DAGLA: variants seen among roughly 807,000 people sequenced by gnomAD.
DAGLA encodes the protein diacylglycerol lipase alpha, also known as diacylglycerol lipase-alpha.
In DAGLA, 22 loss-of-function variants were observed where a neutral mutation model predicts 102.6. The observed-to-expected ratio is 0.21, with a 90% CI of 0.15 to 0.31. The LOEUF is 0.31. Among genes scored for constraint, DAGLA ranks in the 10% least tolerant of loss-of-function variants. The pLI, the probability that DAGLA is intolerant of heterozygous loss-of-function variation, is 1.00. For synonymous variants in DAGLA, 578 were observed against 628.9 expected (o/e 0.92, Z 1.21); for missense variants, 927 against 1,446.6 (o/e 0.64, Z 5.83).
chr11:61,696,683 A>G (rs2065069236), intron 1 of DAGLA, among the ~76,000 whole-genome samples: 1 of 151,938 alleles, frequency 6.6e-6, no homozygotes, highest in Non-Finnish European at 1.5e-5. Context: ...AAAAGGGGAA[A>G]ACTGTAGTCC....
In DAGLA at chr11:61,744,206, G is replaced by A. The variant is rs1180334867; in HGVS notation, c.2846G>A (p.Gly949Asp). ...AGCCCCACCAGTGACTACGCTGAGG[G>A]CCCCAAGTCCCCCAGCCAGCAAGAG... ...PESPTSDYAE[G>D]PKSPSQQEIL... Residue 949 changes from glycine (G) to aspartate (D), a missense_variant, in exon 20 of 20, where the codon GGC (glycine) becomes GAC (aspartate). Transcript: ENST00000257215. 1 of 1,612,776 alleles carries A rather than the reference G, an allele frequency of 6.2e-7. No homozygotes were observed. Among genetic ancestry groups the A allele is most frequent in the African/African-American group, 1.3e-5 (1 of 74,876 alleles).
rs567818065 is a variant in DAGLA, at chr11:61,707,494, C to G, written c.-44-12618C>G. On this transcript the variant is annotated intron_variant, in intron 1 of 19. Coordinates refer to ENST00000257215, the MANE Select transcript of DAGLA (RefSeq NM_006133.3). ...CCCAGAGCCTCCTGGCCTATTCCCCCACAGGCTGGGAGAGAGGCAGATGGA... is the reference window on the plus strand; with the variant it reads ...CCCAGAGCCTCCTGGCCTATTCCCCGACAGGCTGGGAGAGAGGCAGATGGA... Among the ~76,000 whole-genome samples the G allele has an allele frequency of 4.5e-4, 68 of 152,356 alleles. 1 individual carries two copies. In the Middle Eastern group the frequency reaches 0.01, roughly 23 times the overall value.
At position 61,740,601 on chromosome 11, in the gene DAGLA, G is replaced by C. The variant is rs1421969221; in HGVS notation, c.1983+9G>C. 2 of 1,612,476 alleles carry C rather than the reference G, an allele frequency of 1.2e-6. No homozygotes were observed. Among genetic ancestry groups the C allele is most frequent in the Non-Finnish European group, 1.7e-6 (2 of 1,179,454 alleles). On this transcript the variant is annotated intron_variant, in intron 18 of 19. Transcript: ENST00000257215. ...TGGAGGGGCTCAACAAGGTGAGGCA[G>C]CTCCCGGCAGGGTACCACCAGGGAA...
chr11:61,737,791 G>A (rs1450372392), intron 15 of DAGLA, 36 bp downstream of exon 15: 1 of 1,587,416 alleles, frequency 6.3e-7, no homozygotes, highest in Non-Finnish European at 8.7e-7. Context: ...TCCCTTGCCA[G>A]GCTGTTCCTC....
chr11:61,697,878 G>A (rs2065079331), intron 1 of DAGLA, among the ~76,000 whole-genome samples: 1 of 151,940 alleles, frequency 6.6e-6, no homozygotes, highest in South Asian at 2.1e-4. Context: ...GATGGCCCTG[G>A]GTAGCCAGGT....
chr11:61,687,510 G>A (rs2064995256), intron 1 of DAGLA, among the ~76,000 whole-genome samples: 1 of 152,088 alleles, frequency 6.6e-6, no homozygotes, highest in Non-Finnish European at 1.5e-5. Flanking sequence ...TTTTGTTTTA[G>A]TACAGATGGG....
At chr11:61,740,346 G>A in intron 17 of DAGLA, 117 bp from the exon 18 acceptor site, 1 of 1,358,296 alleles carries the variant, frequency 7.4e-7, no homozygotes, top group South Asian at 1.4e-5. Flanking sequence ...CAGGCCAGGG[G>A]CCTCCAAACC....
chr11:61,740,449 C>T lies in DAGLA; in HGVS notation c.1854-14C>T, dbSNP rs1565265141. ...ACCCCACCCTTAACTCCCCTCTGTCCATGTCCCTCTCAGCTGCTGTGAGCA... is the reference window on the plus strand; with the variant it reads ...ACCCCACCCTTAACTCCCCTCTGTCTATGTCCCTCTCAGCTGCTGTGAGCA... On this transcript the variant is annotated splice_polypyrimidine_tract_variant and intron_variant, in intron 17 of 19. Coordinates refer to ENST00000257215, the MANE Select transcript of DAGLA (RefSeq NM_006133.3). 6.2e-7 allele frequency: 1 copy of T among 1,612,768 alleles called. No homozygotes were observed. The highest frequency in any genetic ancestry group is 8.5e-7 in the Non-Finnish European group (1 of 1,179,572).
intron 14 of DAGLA, 84 bp from the exon 15 acceptor site, chr11:61,737,603 C>A (rs903687260): frequency 4.5e-6 from 6 of 1,340,524 alleles, no homozygotes; most frequent in Non-Finnish European, 6.4e-6. Flanking sequence ...AGGAGCAGGG[C>A]TTGCTTGTGG....
intron 19 of DAGLA, 29 bp from the exon 20 acceptor site, chr11:61,743,503 A>C: frequency 7.4e-6 from 11 of 1,491,192 alleles, no homozygotes; most frequent in Non-Finnish European, 8.0e-6. Context: ...TCTGAGTCTT[A>C]TACCCCCTGC....
chr11:61,723,717 A>C, intron 5 of DAGLA, 145 bp downstream of exon 5: 1 of 965,144 alleles, frequency 1.0e-6, no homozygotes, highest in East Asian at 2.6e-5. Flanking sequence ...AAAGGGCTTA[A>C]CTGCTCCCTG....
At chr11:61,690,701 G>A (rs1049378778) in intron 1 of DAGLA, among the ~76,000 whole-genome samples, 6 of 152,148 alleles carry the variant, frequency 3.9e-5, no homozygotes, top group Non-Finnish European at 7.4e-5. Flanking sequence ...CTCAGGTTCC[G>A]TCTGTCTGGC....
At chr11:61,692,528 C>T (rs933880499) in intron 1 of DAGLA, among the ~76,000 whole-genome samples, 5 of 152,076 alleles carry the variant, frequency 3.3e-5, no homozygotes, top group Admixed American at 1.3e-4. Flanking sequence ...GAGTTACTGG[C>T]GACCACTCAT....
intron 1 of DAGLA, among the ~76,000 whole-genome samples, chr11:61,717,560 T>G (rs2135577324): frequency 6.6e-6 from 1 of 152,292 alleles, no homozygotes; most frequent in East Asian, 1.9e-4. Flanking sequence ...AATCGACATT[T>G]TACAAATCGA....
At chr11:61,701,340 G>T (rs545449265) in intron 1 of DAGLA, among the ~76,000 whole-genome samples, 2 of 152,340 alleles carry the variant, frequency 1.3e-5, no homozygotes, top group East Asian at 1.9e-4. Context: ...GGGACTAGGA[G>T]CCAGCCTCTC....
chr11:61,715,486 T>C (rs1373993992), intron 1 of DAGLA, among the ~76,000 whole-genome samples: 1 of 152,214 alleles, frequency 6.6e-6, no homozygotes, highest in African/African-American at 2.4e-5. Context: ...TGGGAGCTCT[T>C]GGAGCCCCAT....
chr11:61,730,086 C>T (rs1232156271), intron 8 of DAGLA, among the ~76,000 whole-genome samples: 1 of 151,816 alleles, frequency 6.6e-6, no homozygotes, highest in Non-Finnish European at 1.5e-5. Flanking sequence ...AACCAACACT[C>T]AGTCCTCTAG....
chr11:61,737,924 G>A (rs540831812), intron 15 of DAGLA, among the ~76,000 whole-genome samples, 169 bp downstream of exon 15: 95 of 151,614 alleles, frequency 6.3e-4, no homozygotes, highest in African/African-American at 2.0e-3. Flanking sequence ...CCAGGTGAAC[G>A]CACGTGCTGG....
chr11:61,687,696 G>A (rs1328594353), intron 1 of DAGLA, among the ~76,000 whole-genome samples: 2 of 152,232 alleles, frequency 1.3e-5, no homozygotes, highest in Admixed American at 1.3e-4. Context: ...GAGAGAGCAT[G>A]TGTGTTCCCC....
Sources: gnomAD v4.1 joint callset for allele counts (sites outside exome capture counted in the v4.1 genomes callset) on GRCh38, gnomAD v4.1.1 for gene constraint, MANE v1.5 for transcripts, NCBI Gene and HGNC (gene_info 2026-07-23, HGNC 2026-07-21) for gene names.